The following KCNG2 variants were observed in gnomAD, a reference collection of about 807,000 sequenced individuals.
KCNG2 encodes the protein potassium voltage-gated channel modifier subfamily G member 2, also known as voltage-gated potassium channel regulatory subunit KCNG2.
In KCNG2, 7 loss-of-function variants were observed where a neutral mutation model predicts 12.3. That is an observed-to-expected ratio of 0.57 (90% confidence interval 0.32 to 1.07). KCNG2 has a LOEUF of 1.07. KCNG2 is among the 50% of genes least tolerant of loss of function. KCNG2 has a pLI of 0.04. For missense variants in KCNG2, 703 were observed against 726.0 expected (o/e 0.97, Z 0.36); for synonymous variants, 414 against 351.4 (o/e 1.18, Z -1.99).
intron 3 of KCNG2, among the ~76,000 whole-genome samples, chr18:79,866,043 GGTC>G (rs1979515493): frequency 1.4e-5 from 2 of 143,750 alleles, no homozygotes; most frequent in African/African-American, 5.3e-5. Context: ...TGTGCTGAGA[GGTC>G]TGTGTTCTGA....
chr18:79,871,705 T>A (rs933501585), intron 3 of KCNG2, among the ~76,000 whole-genome samples: 1 of 152,170 alleles, frequency 6.6e-6, no homozygotes, highest in Non-Finnish European at 1.5e-5. Flanking sequence ...GGCGGCCCCC[T>A]ATGACGCCTT....
At chr18:79,883,092 T>G (rs544766153) in intron 3 of KCNG2, among the ~76,000 whole-genome samples, 1 of 152,294 alleles carries the variant, frequency 6.6e-6, no homozygotes, top group East Asian at 1.9e-4. Context: ...TCCCGGTGCA[T>G]CCACGGTGCG....
intron 1 of KCNG2, among the ~76,000 whole-genome samples, chr18:79,855,925 G>A (rs372505455): frequency 6.6e-6 from 1 of 152,168 alleles, no homozygotes; most frequent in Non-Finnish European, 1.5e-5. Context: ...CCCCTTTGAT[G>A]TGAACTTTAT....
At chr18:79,897,057 C>T (rs62101160) in intron 3 of KCNG2, among the ~76,000 whole-genome samples, 50,958 of 152,036 alleles carry the variant, frequency 0.34, 10,616 homozygotes, top group Non-Finnish European at 0.47. Flanking sequence ...TGTCCACCTG[C>T]GGGCCTCTGT....
At chr18:79,802,322 G>A (rs975142600) in intron 1 of KCNG2, among the ~76,000 whole-genome samples, 1 of 152,220 alleles carries the variant, frequency 6.6e-6, no homozygotes, top group Admixed American at 6.5e-5. Flanking sequence ...GGACCCTGGA[G>A]CAGTGAAGGT....
At chr18:79,875,549 G>A (rs1327103371) in intron 3 of KCNG2, among the ~76,000 whole-genome samples, 7 of 152,176 alleles carry the variant, frequency 4.6e-5, no homozygotes, top group South Asian at 2.1e-4. Flanking sequence ...TTATGGGGTC[G>A]GCCGTGACCC....
In KCNG2 at chr18:79,899,483, G is replaced by T. The variant is rs376105405; in HGVS notation, c.1068G>T (p.Val356=). ...GCGCGCGCCGCGACTTCTCCAGCGT[G>T]CCCGCCAGCTATTGGTGGGCCGTCA... ...ELGARRDFSS[V]PASYWWAVIS... Residue 356 remains valine (V), a synonymous_variant, in exon 4 of 4, where the codon GTG becomes GTT. Transcript: ENST00000316249. 1 of 1,607,678 alleles carries T rather than the reference G, an allele frequency of 6.2e-7. No homozygotes were observed. Among genetic ancestry groups the T allele is most frequent in the East Asian group, 2.2e-5 (1 of 44,550 alleles).
chr18:79,856,456 A>G lies in KCNG2; in HGVS notation c.-41+4A>G, dbSNP rs954755019. ...CCCTGTACCTTCACAGAGCCAGGTAAACCCAGAACCTGCCAGAAGGGCAAG... is the reference window on the plus strand; with the variant it reads ...CCCTGTACCTTCACAGAGCCAGGTAGACCCAGAACCTGCCAGAAGGGCAAG... On this transcript the variant is annotated splice_donor_region_variant and intron_variant, in intron 2 of 3. Coordinates refer to ENST00000316249, the MANE Select transcript of KCNG2 (RefSeq NM_012283.2). Among the ~76,000 whole-genome samples, 2 of 152,194 alleles carry G rather than the reference A, an allele frequency of 1.3e-5. No individual in the cohort carries two copies. Among genetic ancestry groups the G allele is most frequent in the African/African-American group, 4.8e-5 (2 of 41,438 alleles).
intron 3 of KCNG2, among the ~76,000 whole-genome samples, chr18:79,870,726 A>G (rs191055585): frequency 9.2e-5 from 14 of 152,320 alleles, no homozygotes; most frequent in African/African-American, 3.4e-4. Context: ...CAGTATAATT[A>G]GTTATAGATT....
chr18:79,851,074 A>G (rs1057282505), intron 1 of KCNG2, among the ~76,000 whole-genome samples: 3 of 152,186 alleles, frequency 2.0e-5, no homozygotes, highest in African/African-American at 2.4e-5. Flanking sequence ...CAAGTTTATT[A>G]AGAAAGTAAA....
chr18:79,818,238 C>T (rs1268467495), intron 1 of KCNG2, among the ~76,000 whole-genome samples: 1 of 152,240 alleles, frequency 6.6e-6, no homozygotes, highest in Non-Finnish European at 1.5e-5. Context: ...ACACCACCCC[C>T]ACCCTCCTCC....
In KCNG2 at chr18:79,883,310, T is replaced by C. The variant is rs564583487; in HGVS notation, c.625-15730T>C. On this transcript the variant is annotated intron_variant, in intron 3 of 3. Transcript: ENST00000316249. ...GGGAAGCTGGGGGAGCTGTCCTGCG[T>C]CTTTGCGCTGCGTTTTCGCGGTAGT... Among the ~76,000 whole-genome samples the C allele has an allele frequency of 2.0e-5, 3 of 152,282 alleles. No individual in the cohort carries two copies. In the South Asian group the frequency reaches 6.2e-4, roughly 32 times the overall value.
Position 79,899,732 on chromosome 18 carries a change from C to T in KCNG2, c.1317C>T (p.Ala439=), listed in dbSNP as rs1294806086. 6.3e-7 allele frequency: 1 copy of T among 1,596,882 alleles called. No homozygotes were observed. Among genetic ancestry groups the T allele is most frequent in the Admixed American group, 1.7e-5 (1 of 58,840 alleles). Residue 439 remains alanine, a synonymous_variant, in exon 4 of 4, where the codon GCC becomes GCT. Transcript: ENST00000316249. ...AGGACAGCACGCACTCGGCCACAGC[C>T]ACCGAGGACAGCTCGCAGGGCCCCG... The part of the protein sequence containing the change: ...LQEDSTHSAT[A]TEDSSQGPDS...
rs1014361222 is a variant in KCNG2 at position 79,800,696 on chromosome 18, G to A, written c.-115+2682G>A. On this transcript the variant is annotated intron_variant, in intron 1 of 3. Coordinates refer to ENST00000316249, the MANE Select transcript of KCNG2 (RefSeq NM_012283.2). This position sits in a 1 kb window ranked among gnomAD's most constrained non-coding sequence, Gnocchi z 4.0. ...GCAGTTCCTTCCCCGGGCGGGCGGC[G>A]CTGAGCAGACGGGAGGTGGGCTGGT... Among the ~76,000 whole-genome samples the A allele has an allele frequency of 3.3e-5, 5 of 152,318 alleles. No individual in the cohort carries two copies. The East Asian group carries it at 7.7e-4, about 24-fold the overall frequency.
rs1436149047 is a variant in KCNG2, at chr18:79,873,066, C to G, written c.624+8775C>G. Among the ~76,000 whole-genome samples the G allele has an allele frequency of 1.3e-5, 2 of 152,166 alleles. 1 individual carries two copies. Among genetic ancestry groups the G allele is most frequent in the Admixed American group, 1.3e-4 (2 of 15,278 alleles). ...CCTGCTAGGAAGAAGCCAGGTAGCT[C>G]TGCCGGTTGGGCCTGGGGACAGGAT... On this transcript the variant is annotated intron_variant, in intron 3 of 3. Transcript: ENST00000316249.
intron 2 of KCNG2, among the ~76,000 whole-genome samples, chr18:79,861,109 G>A (rs542602072): frequency 2.0e-5 from 3 of 152,154 alleles, no homozygotes; most frequent in Admixed American, 1.3e-4. Context: ...ATAAATGAGC[G>A]TATTATAGTA....
Position 79,884,734 on chromosome 18 carries a change from C to A in KCNG2, c.625-14306C>A, listed in dbSNP as rs899497480. ...GCTTCGTGATGGGGAGCCACGGGGG[C>A]AGGGGTCCGCCCGGCTCTGTGTTCC... is the stretch of plus-strand genomic sequence containing the variant. On this transcript the variant is annotated intron_variant, in intron 3 of 3. Transcript: ENST00000316249. The surrounding 1 kb of genome is among the most constrained non-coding windows in gnomAD (Gnocchi z 5.5). Among the ~76,000 whole-genome samples the A allele has an allele frequency of 3.3e-5, 5 of 152,196 alleles. No individual in the cohort carries two copies. The highest frequency in any genetic ancestry group is 7.3e-5 in the Non-Finnish European group (5 of 68,032).
At position 79,803,529 on chromosome 18, in the gene KCNG2, C is replaced by T. The variant is rs1026332746; in HGVS notation, c.-115+5515C>T. Among the ~76,000 whole-genome samples, 6 of 152,150 alleles carry T rather than the reference C, an allele frequency of 3.9e-5. No homozygotes were observed. Among genetic ancestry groups the T allele is most frequent in the Admixed American group, 3.3e-4 (5 of 15,278 alleles). ...TAGGGTGAAGAAAACAGTGGCTAGG[C>T]GTGGGTGTGCAGTGCTGGGGACCGA... On this transcript the variant is annotated intron_variant, in intron 1 of 3. Coordinates refer to ENST00000316249, the MANE Select transcript of KCNG2 (RefSeq NM_012283.2). The surrounding 1 kb of genome is among the most constrained non-coding windows in gnomAD (Gnocchi z 4.5).
intron 3 of KCNG2, among the ~76,000 whole-genome samples, chr18:79,887,422 C>T (rs1241642307): frequency 6.6e-6 from 1 of 152,104 alleles, no homozygotes; most frequent in East Asian, 1.9e-4. Flanking sequence ...CCCTGTGCTG[C>T]TTCCTCTCAG....
Sources: allele counts gnomAD v4.1 joint callset (sites outside exome capture counted in the v4.1 genomes callset), GRCh38; gene constraint gnomAD v4.1.1; non-coding constraint Gnocchi (gnomAD v3.1); transcripts MANE v1.5; gene names NCBI Gene and HGNC (gene_info 2026-07-23, HGNC 2026-07-21).